The following PCDHA5 variants were observed in gnomAD, a reference collection of about 807,000 sequenced individuals.
PCDHA5 encodes the protein protocadherin alpha 5.
A neutral mutation model predicts 61.6 loss-of-function variants in PCDHA5; 43 were observed. The ratio of observed to expected loss-of-function variants is 0.70; its 90% CI spans 0.55 to 0.90. PCDHA5 has a LOEUF of 0.90. Among genes scored for constraint, PCDHA5 ranks in the 40% least tolerant of loss-of-function variants. PCDHA5 has a pLI of 0.00. For synonymous variants in PCDHA5, 627 were observed against 543.9 expected (o/e 1.15, Z -2.13); for missense variants, 1,298 against 1,222.7 (o/e 1.06, Z -0.92).
intron 1 of PCDHA5, chr5:140,828,761 G>T (rs1769927024): frequency 1.9e-6 from 3 of 1,614,218 alleles, no homozygotes; most frequent in Middle Eastern, 1.6e-4. Flanking sequence ...TGAGCTCACA[G>T]GCACTGTTCA....
intron 1 of PCDHA5, chr5:140,870,454 G>A (rs782508076): frequency 6.2e-7 from 1 of 1,614,236 alleles, no homozygotes; most frequent in African/African-American, 1.3e-5. Flanking sequence ...GAACGACAAT[G>A]CGCCTGCGTT....
intron 3 of PCDHA5, among the ~76,000 whole-genome samples, chr5:140,983,949 T>TA (rs1554245835): frequency 1.3e-5 from 2 of 152,176 alleles, no homozygotes. Flanking sequence ...ACAATTCAAC[T>TA]AAAAGTCACA....
Position 140,822,587 on chromosome 5 carries a change from G to T in PCDHA5, c.812G>T (p.Gly271Val), listed in dbSNP as rs2150117559. 36 of 1,609,596 alleles carry T rather than the reference G, an allele frequency of 2.2e-5. No homozygotes were observed. Among genetic ancestry groups the T allele is most frequent in the Middle Eastern group, 1.6e-4 (1 of 6,082 alleles). Reference protein sequence around the residue: ...IKLNASDADEGINKEIVYFFS... With the variant: ...IKLNASDADEVINKEIVYFFS... ...CTGAACGCCTCAGATGCAGATGAGG[G>T]CATCAATAAGGAAATAGTGTATTTC... Residue 271 changes from glycine (G) to valine (V), a missense_variant, in exon 1 of 4, where the codon GGC becomes GTC. Coordinates refer to ENST00000529859, the MANE Select transcript of PCDHA5 (RefSeq NM_018908.3).
chr5:141,007,325 C>T (rs1303133451), intron 3 of PCDHA5, among the ~76,000 whole-genome samples: 1 of 145,322 alleles, frequency 6.9e-6, no homozygotes, highest in Non-Finnish European at 1.5e-5. Flanking sequence ...CTAAAGTGGA[C>T]AGATTGCCTG....
chr5:140,823,087 G>A lies in PCDHA5; in HGVS notation c.1312G>A (p.Ala438Thr), dbSNP rs144534621. 1,857 of 1,613,942 alleles carry A rather than the reference G, an allele frequency of 1.2e-3. 15 individuals are homozygous for A. In the African/African-American group the frequency reaches 0.019, roughly 16 times the overall value. Residue 438 changes from alanine (A) to threonine (T), a missense_variant, in exon 1 of 4, where the codon GCC (alanine) becomes ACC (threonine). Transcript: ENST00000529859. ...GGGCTCGCCTTCGCTGTGGGCCACC[G>A]CCAGCGTGTCTGTGGAAGTGGCCGA... ...DGGSPSLWAT[A>T]SVSVEVADVN...
At chr5:140,880,861 T>C (rs1416708298) in intron 1 of PCDHA5, among the ~76,000 whole-genome samples, 1 of 152,188 alleles carries the variant, frequency 6.6e-6, no homozygotes, top group African/African-American at 2.4e-5. Context: ...AGTCTAATTA[T>C]GTGAAGAGGT....
chr5:140,915,204 C>A (rs2077022161), intron 1 of PCDHA5, among the ~76,000 whole-genome samples: 1 of 152,120 alleles, frequency 6.6e-6, no homozygotes, highest in African/African-American at 2.4e-5. Flanking sequence ...ATCTTGGCCT[C>A]CCAAAGTGCT....
rs2150482959 is a variant in PCDHA5, at chr5:140,850,410, G to C, written c.2352+26283G>C. The C allele has an allele frequency of 5.8e-5, 93 of 1,597,818 alleles. 8 individuals carry two copies. The highest frequency in any genetic ancestry group is 7.6e-5 in the Non-Finnish European group (89 of 1,167,718). On this transcript the variant is annotated intron_variant, in intron 1 of 3. Coordinates refer to ENST00000529859, the MANE Select transcript of PCDHA5 (RefSeq NM_018908.3). ...GATCAGCACAACGCGTGCCCTGGAC[G>C]AAACGGACGCACCGCGCCAGCGCCT...
intron 1 of PCDHA5, chr5:140,830,257 G>C: frequency 6.2e-7 from 1 of 1,613,692 alleles, no homozygotes; most frequent in Non-Finnish European, 8.5e-7. Context: ...CAGCGCTGCG[G>C]TGCTCGGCGC....
At chr5:140,944,292 A>G (rs1330492011) in intron 1 of PCDHA5, among the ~76,000 whole-genome samples, 1 of 152,090 alleles carries the variant, frequency 6.6e-6, no homozygotes, top group Non-Finnish European at 1.5e-5. Context: ...GGCTCAAGCG[A>G]TCCTCCTACC....
At chr5:140,886,830 A>G (rs2061165550) in intron 1 of PCDHA5, among the ~76,000 whole-genome samples, 1 of 150,424 alleles carries the variant, frequency 6.6e-6, no homozygotes, top group Non-Finnish European at 1.5e-5. Flanking sequence ...TCGTCTTGAA[A>G]AAAAAAAAAA....
intron 1 of PCDHA5, among the ~76,000 whole-genome samples, chr5:140,889,062 T>C (rs1463008573): frequency 1.3e-5 from 2 of 152,052 alleles, no homozygotes; most frequent in African/African-American, 2.4e-5. Context: ...CCTTTTAATA[T>C]ACTACTTATT....
At chr5:140,912,689 C>T (rs879967123) in intron 1 of PCDHA5, among the ~76,000 whole-genome samples, 1 of 152,112 alleles carries the variant, frequency 6.6e-6, no homozygotes, top group Admixed American at 6.5e-5. Context: ...TTCCAGGTCT[C>T]AGGGGGAATG....
chr5:140,931,966 A>G (rs1554208694), intron 1 of PCDHA5, among the ~76,000 whole-genome samples: 1 of 151,950 alleles, frequency 6.6e-6, no homozygotes, highest in African/African-American at 2.4e-5. Context: ...ATGTTGATGC[A>G]TATGTGTTTA....
chr5:140,827,775 G>A (rs1350103739), intron 1 of PCDHA5, among the ~76,000 whole-genome samples: 1 of 152,106 alleles, frequency 6.6e-6, no homozygotes, highest in Non-Finnish European at 1.5e-5. Flanking sequence ...AAAGAAGTCG[G>A]GATAACACTG....
At chr5:140,858,472 T>C in intron 1 of PCDHA5, 1 of 1,518,184 alleles carries the variant, frequency 6.6e-7, no homozygotes. Context: ...TTTTGTGCTT[T>C]ATGAATAATA....
intron 1 of PCDHA5, among the ~76,000 whole-genome samples, chr5:140,939,246 C>G (rs536477969): frequency 6.6e-5 from 10 of 152,230 alleles, no homozygotes; most frequent in African/African-American, 2.2e-4. Context: ...AGCAAGGTAG[C>G]TCTCTGGAAC....
intron 1 of PCDHA5, among the ~76,000 whole-genome samples, chr5:140,890,087 A>G (rs1284769572): frequency 6.6e-6 from 1 of 152,170 alleles, no homozygotes; most frequent in African/African-American, 2.4e-5. Context: ...TGATAATGCA[A>G]ATTTATTCCC....
At chr5:140,957,855 T>TC (rs1398127159) in intron 1 of PCDHA5, among the ~76,000 whole-genome samples, 1 of 151,980 alleles carries the variant, frequency 6.6e-6, no homozygotes, top group Non-Finnish European at 1.5e-5. Context: ...TTTGTGTATT[T>TC]TTTTTCCTAT....
Sources: gnomAD v4.1 joint callset for allele counts (sites outside exome capture counted in the v4.1 genomes callset) on GRCh38, gnomAD v4.1.1 for gene constraint, MANE v1.5 for transcripts, NCBI Gene and HGNC (gene_info 2026-07-23, HGNC 2026-07-21) for gene names.